The following ATRNL1 variants were observed in gnomAD, a reference collection of about 807,000 sequenced individuals.
The protein encoded by ATRNL1 is attractin-like protein 1.
In ATRNL1, 95 loss-of-function variants were observed where a neutral mutation model predicts 182.7. That is an observed-to-expected ratio of 0.52 (90% confidence interval 0.44 to 0.62). The LOEUF is 0.62. Ranked by LOEUF, ATRNL1 falls within the 20% of genes least tolerant of loss-of-function variation. ATRNL1 has a pLI of 0.00. For missense variants in ATRNL1, 1,471 were observed against 1,679.5 expected (o/e 0.88, Z 2.17); for synonymous variants, 576 against 568.3 (o/e 1.01, Z -0.19).
intron 20 of ATRNL1, among the ~76,000 whole-genome samples, chr10:115,397,313 T>C (rs917405839): frequency 1.3e-4 from 20 of 151,970 alleles, no homozygotes; most frequent in Non-Finnish European, 2.9e-5. Context: ...TGATTTAATA[T>C]GCTTATGAAC....
chr10:115,613,765 C>A (rs1266216312), intron 26 of ATRNL1, among the ~76,000 whole-genome samples: 2 of 151,626 alleles, frequency 1.3e-5, no homozygotes, highest in Admixed American at 1.3e-4. Context: ...TTTATTTTTC[C>A]CAGAATTTAT....
At chr10:115,547,007 A>G (rs138360862) in intron 25 of ATRNL1, among the ~76,000 whole-genome samples, 1 of 152,070 alleles carries the variant, frequency 6.6e-6, no homozygotes, top group Non-Finnish European at 1.5e-5. Flanking sequence ...TAATTTCAGC[A>G]CTTTGGAAGG....
In ATRNL1 at chr10:115,283,440, C is replaced by A. The variant is rs1344734633; in HGVS notation, c.2233+1953C>A. Among the ~76,000 whole-genome samples the A allele has an allele frequency of 2.6e-5, 4 of 151,954 alleles. No homozygotes were observed. The East Asian group carries it at 7.7e-4, about 29-fold the overall frequency. On this transcript the variant is annotated intron_variant, in intron 14 of 28. Transcript: ENST00000355044. ...AAAACAAACGAACAAACAAACACACCATTGAGGCGCTGGAATGTCATTCAT... is the reference window on the plus strand; with the variant it reads ...AAAACAAACGAACAAACAAACACACAATTGAGGCGCTGGAATGTCATTCAT...
At chr10:115,341,157 T>C (rs960129177) in intron 19 of ATRNL1, among the ~76,000 whole-genome samples, 2 of 152,094 alleles carry the variant, frequency 1.3e-5, no homozygotes, top group Admixed American at 6.6e-5. Context: ...TAGGCACTTA[T>C]AGCTAGACAC....
chr10:115,149,333 A>G (rs1554880075), intron 5 of ATRNL1, among the ~76,000 whole-genome samples: 6 of 151,958 alleles, frequency 3.9e-5, no homozygotes, highest in African/African-American at 1.4e-4. Context: ...TTGATTTTTC[A>G]GGCTGCTTTT....
In ATRNL1 at chr10:115,560,087, G is replaced by A. The variant is rs550343256; in HGVS notation, c.3795+10551G>A. The stretch of plus-strand genomic sequence containing the variant: ...AAATCAGTTGTATTTCTATACATTA[G>A]CAATGAAAAACCTGAAAGTAAAACT... On this transcript the variant is annotated intron_variant, in intron 26 of 28. Transcript: ENST00000355044. 1.9e-4 allele frequency among the ~76,000 whole-genome samples: 29 copies of A among 152,206 alleles called. No individual in the cohort carries two copies. In the South Asian group the frequency reaches 2.1e-3, roughly 11 times the overall value.
At chr10:115,405,672 T>G (rs1554958048) in intron 20 of ATRNL1, among the ~76,000 whole-genome samples, 2 of 150,780 alleles carry the variant, frequency 1.3e-5, no homozygotes, top group African/African-American at 4.8e-5. Context: ...TATAACACAC[T>G]TCATTCATTT....
chr10:115,121,322 G>A (rs111971975), intron 2 of ATRNL1, among the ~76,000 whole-genome samples: 2,234 of 152,230 alleles, frequency 0.015, 44 homozygotes, highest in African/African-American at 0.05. Flanking sequence ...ATGTTGGCCA[G>A]GATGGTCTTG....
intron 9 of ATRNL1, among the ~76,000 whole-genome samples, chr10:115,241,313 T>C (rs1391715642): frequency 6.6e-6 from 1 of 151,610 alleles, no homozygotes; most frequent in African/African-American, 2.4e-5. Context: ...TAATTTATAA[T>C]ATAAATTATT....
intron 28 of ATRNL1, among the ~76,000 whole-genome samples, chr10:115,871,100 G>T (rs1432017611): frequency 4.6e-5 from 7 of 151,902 alleles, no homozygotes; most frequent in Middle Eastern, 3.4e-3. Flanking sequence ...ATAATATTTC[G>T]GTTCTGTCCT....
intron 25 of ATRNL1, among the ~76,000 whole-genome samples, chr10:115,537,572 T>A (rs1276241837): frequency 1.3e-5 from 2 of 152,208 alleles, no homozygotes; most frequent in Non-Finnish European, 2.9e-5. Flanking sequence ...CTGTTTAAAA[T>A]CTTCCTTTTA....
chr10:115,816,560 A>C (rs1186239454), intron 27 of ATRNL1, among the ~76,000 whole-genome samples: 1 of 152,050 alleles, frequency 6.6e-6, no homozygotes, highest in Non-Finnish European at 1.5e-5. Flanking sequence ...ATATTACAGA[A>C]GGACGTGAAG....
intron 17 of ATRNL1, among the ~76,000 whole-genome samples, chr10:115,312,451 G>A (rs532189276): frequency 6.6e-6 from 1 of 152,270 alleles, no homozygotes; most frequent in South Asian, 2.1e-4. Flanking sequence ...CTTCTGGCCT[G>A]TAAGGTTTCT....
intron 24 of ATRNL1, among the ~76,000 whole-genome samples, chr10:115,478,372 T>C (rs1281120055): frequency 6.6e-6 from 1 of 151,678 alleles, no homozygotes; most frequent in East Asian, 1.9e-4. Context: ...CAGAGTTCAG[T>C]ATATTGAAGT....
At chr10:115,572,338 G>T (rs1473298680) in intron 26 of ATRNL1, among the ~76,000 whole-genome samples, 1 of 152,114 alleles carries the variant, frequency 6.6e-6, no homozygotes, top group Non-Finnish European at 1.5e-5. Context: ...GGACTACATA[G>T]GTGGTAATAG....
intron 8 of ATRNL1, among the ~76,000 whole-genome samples, chr10:115,209,242 C>G (rs969800596): frequency 2.0e-5 from 3 of 151,490 alleles, no homozygotes; most frequent in Non-Finnish European, 4.4e-5. Context: ...AAGTTTATTT[C>G]TTTCTCTTTA....
At chr10:115,937,687 A>G (rs1219622254) in intron 28 of ATRNL1, among the ~76,000 whole-genome samples, 2 of 152,236 alleles carry the variant, frequency 1.3e-5, no homozygotes, top group Non-Finnish European at 2.9e-5. Context: ...TTTGATCAGT[A>G]GTATGTAGCT....
Position 115,340,471 on chromosome 10 carries a change from C to CTTT in ATRNL1, c.3175+6054_3175+6056dup, listed in dbSNP as rs1197538123. Among the ~76,000 whole-genome samples the CTTT allele has an allele frequency of 1.7e-3, 154 of 89,552 alleles. 5 individuals are homozygous for CTTT. Among genetic ancestry groups the CTTT allele is most frequent in the African/African-American group, 6.4e-3 (145 of 22,768 alleles). 58.7% of individuals were successfully genotyped at this position (89,552 alleles called of 152,430 possible). The stretch of plus-strand genomic sequence containing the variant: ...TCTTTCTTTTTTTTTCTTTTCTTTT[C>CTTT]TTTTCTTTTTTTTTTTTTTTGGTGT... On this transcript the variant is annotated intron_variant, in intron 19 of 28. Coordinates refer to ENST00000355044, the MANE Select transcript of ATRNL1 (RefSeq NM_207303.4).
intron 28 of ATRNL1, among the ~76,000 whole-genome samples, chr10:115,924,430 G>T (rs184574956): frequency 2.0e-5 from 3 of 152,074 alleles, no homozygotes; most frequent in Non-Finnish European, 2.9e-5. Context: ...TTTGTATAAG[G>T]TGTAAGGAAG....
Sources: allele counts gnomAD v4.1 joint callset (sites outside exome capture counted in the v4.1 genomes callset), GRCh38; gene constraint gnomAD v4.1.1; transcripts MANE v1.5; gene names NCBI Gene and HGNC (gene_info 2026-07-23, HGNC 2026-07-21).